Variants in LONRF1 observed in about 807,000 individuals in gnomAD.
The protein encoded by LONRF1 is LON peptidase N-terminal domain and ring finger 1.
In LONRF1, 37 loss-of-function variants were observed where a neutral mutation model predicts 85.8. The observed-to-expected ratio is 0.43, with a 90% CI of 0.33 to 0.57. The LOEUF is 0.57. Ranked by LOEUF, LONRF1 falls within the 20% of genes least tolerant of loss-of-function variation. The pLI, the probability that LONRF1 is intolerant of heterozygous loss-of-function variation, is 0.04. For missense variants in LONRF1, 1,036 were observed against 978.0 expected (o/e 1.06, Z -0.79); for synonymous variants, 517 against 390.1 (o/e 1.33, Z -3.83).
chr8:12,737,521 T>C (rs1363567013), intron 4 of LONRF1, among the ~76,000 whole-genome samples: 1 of 152,176 alleles, frequency 6.6e-6, no homozygotes, highest in East Asian at 1.9e-4. Context: ...CAGGAGGATG[T>C]GCATAAGTTA....
intron 10 of LONRF1, 69 bp downstream of exon 10, chr8:12,728,832 C>T: frequency 2.6e-6 from 4 of 1,561,008 alleles, no homozygotes; most frequent in South Asian, 2.3e-5. Context: ...AGAAAATAGC[C>T]TGCATGCCTG....
intron 8 of LONRF1, among the ~76,000 whole-genome samples, chr8:12,730,894 T>G (rs1242311416): frequency 3.3e-5 from 5 of 152,208 alleles, no homozygotes; most frequent in African/African-American, 1.2e-4. Context: ...TCAATTTATA[T>G]TTTGAAAATC....
chr8:12,755,470 C>T lies in LONRF1; in HGVS notation c.-50G>A. 3 of 1,028,178 alleles carry T rather than the reference C, an allele frequency of 2.9e-6. No individual in the cohort carries two copies. The highest frequency in any genetic ancestry group is 3.5e-6 in the Non-Finnish European group (3 of 846,134). The allele number at this position is 1,028,178 out of a possible 1,614,324, so 63.7% of individuals were successfully genotyped here. ...CCGCCCGCCGCCACGGTCCCGGAGCCTCCCGGGCGCGCGGCTCCGCACGCG... is the reference window on the plus strand; with the variant it reads ...CCGCCCGCCGCCACGGTCCCGGAGCTTCCCGGGCGCGCGGCTCCGCACGCG... On this transcript the variant is annotated 5_prime_UTR_variant, in exon 1 of 12. Transcript: ENST00000398246.
At chr8:12,733,730 G>T (rs1482738437) in intron 7 of LONRF1, among the ~76,000 whole-genome samples, 1 of 152,056 alleles carries the variant, frequency 6.6e-6, no homozygotes, top group African/African-American at 2.4e-5. Context: ...TAAATCACTG[G>T]ACTATTATGC....
intron 2 of LONRF1, among the ~76,000 whole-genome samples, 189 bp from the exon 3 acceptor site, chr8:12,741,185 A>G (rs1364826450): frequency 6.6e-6 from 1 of 152,120 alleles, no homozygotes; most frequent in African/African-American, 2.4e-5. Flanking sequence ...GGAGTTCGAG[A>G]CCAGTCTGGT....
Position 12,740,857 on chromosome 8 carries a change from G to C in LONRF1, c.963+17C>G, listed in dbSNP as rs1443942624. On this transcript the variant is annotated intron_variant, in intron 3 of 11. Transcript: ENST00000398246. ...CTTAGCCCTACCATGAACTGTAATTGTTGGTAAACTGATTACCTTTTGTAC... is the reference window on the plus strand; with the variant it reads ...CTTAGCCCTACCATGAACTGTAATTCTTGGTAAACTGATTACCTTTTGTAC... The C allele has an allele frequency of 6.2e-7, 1 of 1,610,170 alleles. No individual in the cohort carries two copies. The highest frequency in any genetic ancestry group is 1.1e-5 in the South Asian group (1 of 90,902).
chr8:12,749,882 T>C (rs1334871774), intron 1 of LONRF1, among the ~76,000 whole-genome samples: 1 of 152,202 alleles, frequency 6.6e-6, no homozygotes, highest in East Asian at 1.9e-4. Flanking sequence ...AAACAAAAAA[T>C]ACAAACTCTA....
rs998221211 is a variant in LONRF1 at position 12,722,765 on chromosome 8, CCCA to C, written c.*328_*330del. 1.4e-4 allele frequency: 23 copies of C among 165,788 alleles called. No individual in the cohort carries two copies. The highest frequency in any genetic ancestry group is 4.5e-4 in the African/African-American group (19 of 41,896). The allele number at this position is 165,788 out of a possible 1,614,324, so 10.3% of individuals were successfully genotyped here. A position where few individuals can be genotyped will look rare whatever the true frequency, so the allele number is the denominator to read the frequency against. ...GAAAATACACACACACTACCCAACC[CCCA>C]CAAGCACACACGCACGCACACACAC... On this transcript the variant is annotated 3_prime_UTR_variant, in exon 12 of 12. Coordinates refer to ENST00000398246, the MANE Select transcript of LONRF1 (RefSeq NM_152271.5).
At position 12,740,134 on chromosome 8, in the gene LONRF1, G is replaced by C. The variant is rs115886329; in HGVS notation, c.963+740C>G. Among the ~76,000 whole-genome samples, 845 of 152,264 alleles carry C rather than the reference G, an allele frequency of 5.5e-3. 5 individuals are homozygous for C. Among genetic ancestry groups the C allele is most frequent in the African/African-American group, 0.02 (811 of 41,564 alleles). On this transcript the variant is annotated intron_variant, in intron 3 of 11. Coordinates refer to ENST00000398246, the MANE Select transcript of LONRF1 (RefSeq NM_152271.5). ...AAAAAGCCACACTCTAAGAAACACT[G>C]ATAAATAACGTGGCATGTTTTGAGT...
chr8:12,743,275 A>T lies in LONRF1; in HGVS notation c.729T>A (p.Ser243Arg), dbSNP rs759607342. 6.4e-7 allele frequency: 1 copy of T among 1,567,644 alleles called. No homozygotes were observed. Among genetic ancestry groups the T allele is most frequent in the Non-Finnish European group, 8.8e-7 (1 of 1,140,138 alleles). The change falls in exon 2 of 12, where the codon AGT (serine) becomes AGA (arginine). Residue 243 changes from serine (S) to arginine (R), a missense_variant. By Grantham distance (110) the Ser-to-Arg change is moderately radical (BLOSUM62 -1). This residue lies in a region of LONRF1 where 742 missense variants were observed against 614.4 expected (regional missense o/e 1.21). Coordinates refer to ENST00000398246, the MANE Select transcript of LONRF1 (RefSeq NM_152271.5). Reference protein sequence around the residue: ...AACEALRAEPSDLIVKIYRAE... With the variant: ...AACEALRAEPRDLIVKIYRAE... ...CTCTGTAAATTTTTACAATCAAGTC[A>T]CTGGGTTCTGAAATAAATATTTTAT... is the stretch of plus-strand genomic sequence containing the variant.
chr8:12,740,646 C>G (rs554183854), intron 3 of LONRF1, among the ~76,000 whole-genome samples: 1 of 152,218 alleles, frequency 6.6e-6, no homozygotes, highest in African/African-American at 2.4e-5. Flanking sequence ...TATTAGAATA[C>G]TAACCAAAAA....
intron 3 of LONRF1, among the ~76,000 whole-genome samples, chr8:12,739,525 G>A (rs1460188948): frequency 3.3e-5 from 5 of 151,928 alleles, no homozygotes; most frequent in East Asian, 1.9e-4. Flanking sequence ...TAGGGTGATG[G>A]AAATATTCTC....
chr8:12,751,300 T>TTTTTTTTTTTG (rs1554469352), intron 1 of LONRF1, among the ~76,000 whole-genome samples: 4 of 83,768 alleles, frequency 4.8e-5, no homozygotes, highest in Non-Finnish European at 8.1e-5. Flanking sequence ...TTTTATGTTT[T>TTTTTTTTTTTG]TTTTTTTTTT....
At position 12,754,821 on chromosome 8, in the gene LONRF1, C is replaced by T. The variant is rs866769063; in HGVS notation, c.600G>A (p.Leu200=). 6.7e-7 allele frequency: 1 copy of T among 1,493,802 alleles called. No homozygotes were observed. Among genetic ancestry groups the T allele is most frequent in the Non-Finnish European group, 8.9e-7 (1 of 1,127,694 alleles). 92.5% of individuals were successfully genotyped at this position (1,493,802 alleles called of 1,614,324 possible). ...DFRTSVVLNH[L]AEKWFPGQRE... is the part of the protein sequence containing the mutation. Reference sequence around the variant, plus strand: ...GCTGGCCCGGAAACCACTTCTCGGCCAGGTGGTTGAGGACGACGCTGGTTC... The same window carrying T: ...GCTGGCCCGGAAACCACTTCTCGGCTAGGTGGTTGAGGACGACGCTGGTTC... The change falls in exon 1 of 12, where the codon CTG becomes CTA. Residue 200 remains leucine (L), a synonymous_variant. Coordinates refer to ENST00000398246, the MANE Select transcript of LONRF1 (RefSeq NM_152271.5).
chr8:12,731,382 C>G (rs1478563262), intron 8 of LONRF1, among the ~76,000 whole-genome samples: 1 of 152,164 alleles, frequency 6.6e-6, no homozygotes, highest in Admixed American at 6.5e-5. Flanking sequence ...TACTGACCCT[C>G]AACCTTCCTC....
rs10429287 is a variant in LONRF1 at position 12,723,276 on chromosome 8, T to C, written c.2164-22A>G. On this transcript the variant is annotated intron_variant, in intron 11 of 11. Coordinates refer to ENST00000398246, the MANE Select transcript of LONRF1 (RefSeq NM_152271.5). ...CTGCCTAAAAACAATGGACAGTTTA[T>C]AGCATTAATAAAACAAGGATTTATG... is the stretch of plus-strand genomic sequence containing the variant. 3.1e-3 allele frequency: 4,951 copies of C among 1,573,372 alleles called. 152 individuals carry two copies. The African/African-American group carries it at 0.06, about 19-fold the overall frequency.
chr8:12,723,211 A>G lies in LONRF1; in HGVS notation c.2207T>C (p.Val736Ala). The G allele has an allele frequency of 1.2e-6, 2 of 1,614,074 alleles. No homozygotes were observed. Among genetic ancestry groups the G allele is most frequent in the Non-Finnish European group, 1.7e-6 (2 of 1,179,982 alleles). Reference sequence around the variant, plus strand: ...CTGGTATCGTGGGTCTACAGGGAGAACTGCAAGAAGCCACCAACACCATGC... The same window carrying G: ...CTGGTATCGTGGGTCTACAGGGAGAGCTGCAAGAAGCCACCAACACCATGC... ...GPAWCWWLLA[V>A]LPVDPRYQLS... The change falls in exon 12 of 12, where the codon GTT becomes GCT. Residue 736 changes from valine (V) to alanine (A), a missense_variant. Coordinates refer to ENST00000398246, the MANE Select transcript of LONRF1 (RefSeq NM_152271.5).
chr8:12,728,220 A>G (rs774499577), intron 10 of LONRF1, among the ~76,000 whole-genome samples: 2 of 152,112 alleles, frequency 1.3e-5, no homozygotes, highest in African/African-American at 2.4e-5. Context: ...CCGGTTCCTA[A>G]ACTAACTGCA....
At chr8:12,739,297 A>G (rs1276927547) in intron 3 of LONRF1, among the ~76,000 whole-genome samples, 2 of 151,724 alleles carry the variant, frequency 1.3e-5, no homozygotes, top group African/African-American at 4.8e-5. Flanking sequence ...AATACTTTAA[A>G]AAACAATAAA....
Sources: allele counts gnomAD v4.1 joint callset (sites outside exome capture counted in the v4.1 genomes callset), GRCh38; gene constraint gnomAD v4.1.1; regional missense constraint gnomAD v4.1.1; transcripts MANE v1.5; gene names NCBI Gene and HGNC (gene_info 2026-07-23, HGNC 2026-07-21).